The following CNOT4 variants were observed in gnomAD, a reference collection of about 807,000 sequenced individuals.
CNOT4 encodes the protein CCR4-NOT transcription complex subunit 4.
In CNOT4, 8 loss-of-function variants were observed where a neutral mutation model predicts 73.8. The ratio of observed to expected loss-of-function variants is 0.11; its 90% CI spans 0.06 to 0.20. The LOEUF is 0.20. Ranked by LOEUF, CNOT4 falls within the 10% of genes least tolerant of loss-of-function variation. CNOT4 has a pLI of 1.00. For synonymous variants in CNOT4, 293 were observed against 321.1 expected, an observed-to-expected ratio of 0.91 and a Z score of 0.94; for missense variants, 564 against 883.4, an observed-to-expected ratio of 0.64 and a Z score of 4.58.
chr7:135,473,890 T>C (rs1232113032), intron 1 of CNOT4, among the ~76,000 whole-genome samples: 2 of 152,048 alleles, frequency 1.3e-5, no homozygotes, highest in East Asian at 1.9e-4. Context: ...AAGAGTAGAA[T>C]AGTACTGTTT....
chr7:135,500,598 G>A (rs1255862890), intron 1 of CNOT4, among the ~76,000 whole-genome samples: 1 of 152,148 alleles, frequency 6.6e-6, no homozygotes, highest in Non-Finnish European at 1.5e-5. Context: ...GTAAATGAAA[G>A]GATAAGTTTT....
At chr7:135,442,363 A>C (rs1585649028) in intron 1 of CNOT4, among the ~76,000 whole-genome samples, 1 of 152,166 alleles carries the variant, frequency 6.6e-6, no homozygotes. Context: ...TTGGGAGGCC[A>C]AGGCGGGCGG....
chr7:135,368,754 G>C (rs1456859596), intron 10 of CNOT4, among the ~76,000 whole-genome samples: 1 of 152,092 alleles, frequency 6.6e-6, no homozygotes, highest in Non-Finnish European at 1.5e-5. Flanking sequence ...TAGTCCAACT[G>C]TTTACTAGGA....
chr7:135,405,132 G>C (rs1028101905), intron 7 of CNOT4, among the ~76,000 whole-genome samples: 5 of 152,094 alleles, frequency 3.3e-5, no homozygotes, highest in Admixed American at 3.3e-4. Flanking sequence ...TTATTTGTGT[G>C]GGATACTGGT....
chr7:135,414,502 A>T, intron 4 of CNOT4, 70 bp from the exon 5 acceptor site: 1 of 731,594 alleles, frequency 1.4e-6, no homozygotes, highest in East Asian at 2.5e-5. Flanking sequence ...ATTCTACTGC[A>T]ACCTAGGGAA....
intron 1 of CNOT4, among the ~76,000 whole-genome samples, chr7:135,468,643 T>C (rs1412795277): frequency 6.8e-6 from 1 of 146,930 alleles, no homozygotes; most frequent in African/African-American, 2.5e-5. Flanking sequence ...ATCATGCCAC[T>C]GCACTCCACT....
At chr7:135,449,476 A>AACAC (rs1800034673) in intron 1 of CNOT4, among the ~76,000 whole-genome samples, 1 of 152,232 alleles carries the variant, frequency 6.6e-6, no homozygotes, top group Admixed American at 6.5e-5. Context: ...AACATACCCA[A>AACAC]ATGTGATCAA....
At chr7:135,389,219 A>G (rs925670557) in intron 10 of CNOT4, among the ~76,000 whole-genome samples, 2 of 150,732 alleles carry the variant, frequency 1.3e-5, no homozygotes, top group Non-Finnish European at 3.0e-5. Context: ...TTGGACCCTT[A>G]TAGATACTCC....
At chr7:135,465,063 T>C (rs1005737586) in intron 1 of CNOT4, among the ~76,000 whole-genome samples, 8 of 152,176 alleles carry the variant, frequency 5.3e-5, no homozygotes, top group Non-Finnish European at 1.0e-4. Context: ...CACAGATAAT[T>C]TGGAAGACAG....
At chr7:135,488,193 T>G (rs936451131) in intron 1 of CNOT4, among the ~76,000 whole-genome samples, 2 of 152,188 alleles carry the variant, frequency 1.3e-5, no homozygotes, top group Admixed American at 6.5e-5. Context: ...TTTTGAGCTC[T>G]GTTACCCAGG....
At chr7:135,499,356 A>C (rs1353086440) in intron 1 of CNOT4, among the ~76,000 whole-genome samples, 1 of 152,082 alleles carries the variant, frequency 6.6e-6, no homozygotes, top group Non-Finnish European at 1.5e-5. Context: ...ATAGGCAAAA[A>C]TCCACAGCAG....
At chr7:135,473,557 G>A (rs951915076) in intron 1 of CNOT4, among the ~76,000 whole-genome samples, 2 of 152,208 alleles carry the variant, frequency 1.3e-5, no homozygotes, top group African/African-American at 4.8e-5. Context: ...GACCTGCCTG[G>A]GCAACATGGC....
chr7:135,398,736 C>A (rs1456688675), intron 7 of CNOT4, among the ~76,000 whole-genome samples: 1 of 151,968 alleles, frequency 6.6e-6, no homozygotes, highest in African/African-American at 2.4e-5. Flanking sequence ...GCACTGCTTA[C>A]AATTAATAGA....
chr7:135,473,757 G>C (rs1801797018), intron 1 of CNOT4, among the ~76,000 whole-genome samples: 1 of 152,098 alleles, frequency 6.6e-6, no homozygotes. Flanking sequence ...GAGGGAGAAA[G>C]AAAGCGAGGG....
intron 10 of CNOT4, among the ~76,000 whole-genome samples, chr7:135,374,789 T>C (rs778525094): frequency 1.3e-5 from 2 of 152,202 alleles, no homozygotes; most frequent in Non-Finnish European, 2.9e-5. Flanking sequence ...TCCAAACACA[T>C]ACAATTTAAC....
chr7:135,466,897 C>T (rs1298110357), intron 1 of CNOT4, among the ~76,000 whole-genome samples: 1 of 152,152 alleles, frequency 6.6e-6, no homozygotes, highest in African/African-American at 2.4e-5. Flanking sequence ...GTAGGCTGCA[C>T]CATCTAGGTT....
intron 10 of CNOT4, among the ~76,000 whole-genome samples, chr7:135,380,090 C>T (rs1035129860): frequency 3.3e-5 from 5 of 151,792 alleles, no homozygotes; most frequent in Non-Finnish European, 7.4e-5. Flanking sequence ...CTCCCTGTTT[C>T]CTTATGCTGA....
rs527734882 is a variant in CNOT4 at position 135,378,119 on chromosome 7, T to C, written c.1628-14053A>G. Among the ~76,000 whole-genome samples the C allele has an allele frequency of 7.9e-5, 12 of 152,352 alleles. No homozygotes were observed. The East Asian group carries it at 1.9e-3, about 24-fold the overall frequency. The stretch of plus-strand genomic sequence containing the variant: ...AGTTTTACAATGTCAAAAATCTTTA[T>C]TGATTCAAAATTTTACAGTGCATTA... On this transcript the variant is annotated intron_variant, in intron 10 of 11. Coordinates refer to ENST00000541284, the MANE Select transcript of CNOT4 (RefSeq NM_001190850.2).
At chr7:135,389,129 C>A (rs555574118) in intron 10 of CNOT4, among the ~76,000 whole-genome samples, 5 of 43,294 alleles carry the variant, frequency 1.2e-4, no homozygotes, top group Admixed American at 2.9e-4. Context: ...AGAACAAATA[C>A]AATAGATTTA....
Sources: allele counts gnomAD v4.1 joint callset (sites outside exome capture counted in the v4.1 genomes callset), GRCh38; gene constraint gnomAD v4.1.1; transcripts MANE v1.5; gene names NCBI Gene and HGNC (gene_info 2026-07-23, HGNC 2026-07-21).